Variants in PDE8B observed in about 807,000 individuals in gnomAD.
PDE8B encodes phosphodiesterase 8B, also known as high affinity cAMP-specific and IBMX-insensitive 3',5'-cyclic phosphodiesterase 8B.
Under a neutral mutation model 101.3 loss-of-function variants are expected in PDE8B, and 26 were observed. That is an observed-to-expected ratio of 0.26 (90% CI 0.19 to 0.36). The LOEUF (loss-of-function observed/expected upper bound fraction) is 0.36, where lower values mean the gene tolerates loss of function less well. Among genes scored for constraint, PDE8B ranks in the 10% least tolerant of loss-of-function variants. PDE8B has a pLI of 1.00. For synonymous variants in PDE8B, 424 were observed against 429.3 expected (o/e 0.99, Z 0.15); for missense variants, 810 against 1,163.1 (o/e 0.70, Z 4.42).
chr5:77,175,991 A>G, the PDE8B span, among the ~76,000 whole-genome samples: 1 of 152,226 alleles, frequency 6.6e-6, no homozygotes, highest in Admixed American at 6.5e-5. Context: ...TAACCTCATC[A>G]GTGAAACCAG....
At chr5:77,166,266 A>G in the PDE8B span, among the ~76,000 whole-genome samples, 1 of 151,172 alleles carries the variant, frequency 6.6e-6, no homozygotes, top group East Asian at 1.9e-4. Flanking sequence ...AAAACCCCAC[A>G]ACCTTCTGTG....
chr5:77,381,945 A>G (rs1320156965), intron 10 of PDE8B, among the ~76,000 whole-genome samples: 1 of 152,196 alleles, frequency 6.6e-6, no homozygotes, highest in Non-Finnish European at 1.5e-5. Flanking sequence ...GGCTCATAGT[A>G]GGGTGTCCCA....
chr5:77,110,858 A>T, the PDE8B span, among the ~76,000 whole-genome samples: 23 of 152,280 alleles, frequency 1.5e-4, no homozygotes, highest in Non-Finnish European at 2.8e-4. Context: ...TATCCTTCCA[A>T]ACCTATCTGC....
the PDE8B span, among the ~76,000 whole-genome samples, chr5:77,148,866 A>C: frequency 1.1e-4 from 16 of 152,162 alleles, no homozygotes; most frequent in South Asian, 3.3e-3. Context: ...TGAAGTGCAA[A>C]AGTTTGATTT....
chr5:77,097,254 C>T, the PDE8B span, among the ~76,000 whole-genome samples: 5 of 152,158 alleles, frequency 3.3e-5, no homozygotes, highest in South Asian at 2.1e-4. Flanking sequence ...TGGGGAGCCA[C>T]GGTGGGAGAG....
rs145118272 is a variant in PDE8B, at chr5:77,326,277, C to G, written c.590+548C>G. 4.6e-5 allele frequency among the ~76,000 whole-genome samples: 7 copies of G among 152,284 alleles called. No homozygotes were observed. In the East Asian group the frequency reaches 1.4e-3, roughly 29 times the overall value. On this transcript the variant is annotated intron_variant, in intron 3 of 21. Coordinates refer to ENST00000264917, the MANE Select transcript of PDE8B (RefSeq NM_003719.5). ...ATGCTTGCACTCTGGGGAGGAAACACAGGCCTGTTCATAAATAAATGCTCA... is the reference window on the plus strand; with the variant it reads ...ATGCTTGCACTCTGGGGAGGAAACAGAGGCCTGTTCATAAATAAATGCTCA...
intron 4 of PDE8B, among the ~76,000 whole-genome samples, chr5:77,330,975 G>T (rs570599140): frequency 6.6e-6 from 1 of 152,290 alleles, no homozygotes; most frequent in Admixed American, 6.5e-5. Context: ...TGGAATGCTG[G>T]CTGTCTTCCT....
intron 10 of PDE8B, among the ~76,000 whole-genome samples, chr5:77,388,561 T>C (rs1336941186): frequency 6.6e-6 from 1 of 152,194 alleles, no homozygotes. Context: ...AGGGACACAC[T>C]TGAGGAGGCA....
intron 1 of PDE8B, among the ~76,000 whole-genome samples, chr5:77,298,874 T>TG (rs1239633095): frequency 2.0e-5 from 3 of 152,270 alleles, no homozygotes; most frequent in Non-Finnish European, 4.4e-5. Context: ...TAAAGTGATC[T>TG]GCTGCAAGCA....
At chr5:77,174,134 G>A in the PDE8B span, among the ~76,000 whole-genome samples, 3 of 152,086 alleles carry the variant, frequency 2.0e-5, no homozygotes, top group African/African-American at 7.2e-5. Flanking sequence ...CCTATATATT[G>A]ATGCTGCATG....
chr5:77,354,647 A>G (rs541523714), intron 10 of PDE8B, among the ~76,000 whole-genome samples: 2 of 152,296 alleles, frequency 1.3e-5, no homozygotes, highest in Admixed American at 1.3e-4. Context: ...GATCCACAGT[A>G]GAGGACACAG....
At chr5:77,422,952 A>T (rs1030064058) in intron 20 of PDE8B, among the ~76,000 whole-genome samples, 3 of 152,160 alleles carry the variant, frequency 2.0e-5, no homozygotes, top group Non-Finnish European at 4.4e-5. Flanking sequence ...TTGAGCTTCT[A>T]ATGATCCATG....
chr5:77,174,540 T>A, the PDE8B span, among the ~76,000 whole-genome samples: 1 of 152,142 alleles, frequency 6.6e-6, no homozygotes, highest in Non-Finnish European at 1.5e-5. Context: ...ACTGTACACA[T>A]CTCCATGACT....
chr5:77,422,525 T>C (rs1161521839), intron 20 of PDE8B, among the ~76,000 whole-genome samples: 1 of 152,200 alleles, frequency 6.6e-6, no homozygotes, highest in Non-Finnish European at 1.5e-5. Context: ...AAAGACTTTC[T>C]GGAAGAACAA....
At chr5:77,360,759 C>T (rs1447335928) in intron 10 of PDE8B, among the ~76,000 whole-genome samples, 1 of 152,140 alleles carries the variant, frequency 6.6e-6, no homozygotes, top group East Asian at 1.9e-4. Flanking sequence ...CCCCCTGCAT[C>T]CTAGAAGCCA....
chr5:77,336,740 C>T (rs1047308535), intron 5 of PDE8B, among the ~76,000 whole-genome samples: 1 of 152,066 alleles, frequency 6.6e-6, no homozygotes, highest in African/African-American at 2.4e-5. Flanking sequence ...GAGTATATAC[C>T]TAGGAGTGGA....
chr5:77,197,672 T>C, the PDE8B span, among the ~76,000 whole-genome samples: 2 of 139,596 alleles, frequency 1.4e-5, no homozygotes, highest in African/African-American at 5.6e-5. Context: ...TTAGTCTGGC[T>C]AGCGGTCTAT....
At chr5:77,394,641 G>A (rs954219252) in intron 10 of PDE8B, among the ~76,000 whole-genome samples, 5 of 152,104 alleles carry the variant, frequency 3.3e-5, no homozygotes, top group African/African-American at 1.2e-4. Context: ...TACTAGGTAG[G>A]AAAAATGTTT....
chr5:77,369,893 A>T (rs1784786132), intron 10 of PDE8B, among the ~76,000 whole-genome samples: 1 of 152,260 alleles, frequency 6.6e-6, no homozygotes, highest in East Asian at 1.9e-4. Flanking sequence ...ATTCCAGCCA[A>T]TTTTTTCTCA....
Sources: gnomAD v4.1 joint callset for allele counts (sites outside exome capture counted in the v4.1 genomes callset) on GRCh38, gnomAD v4.1.1 for gene constraint, MANE v1.5 for transcripts, NCBI Gene and HGNC (gene_info 2026-07-23, HGNC 2026-07-21) for gene names.